Variants in PIK3R6 observed in about 807,000 individuals in gnomAD.
PIK3R6 encodes the protein phosphoinositide-3-kinase regulatory subunit 6.
Under a neutral mutation model 84.9 loss-of-function variants are expected in PIK3R6, and 91 were observed. That is an observed-to-expected ratio of 1.07 (90% CI 0.90 to 1.28). PIK3R6 has a LOEUF of 1.28. PIK3R6 is among the 50% of genes most tolerant of loss of function. The pLI is 0.00. For synonymous variants in PIK3R6, 416 were observed against 411.4 expected, an observed-to-expected ratio of 1.01 and a Z score of -0.13; for missense variants, 996 against 985.1, an observed-to-expected ratio of 1.01 and a Z score of -0.15.
At chr17:8,832,375 C>CTTTTTTTTTTT (rs759188865) in intron 9 of PIK3R6, among the ~76,000 whole-genome samples, 6 of 77,796 alleles carry the variant, frequency 7.7e-5, no homozygotes, top group African/African-American at 1.6e-4. Flanking sequence ...TACCCACCTT[C>CTTTTTTTTTTT]TTTTTTTTTT....
At position 8,867,528 on chromosome 17, in the gene PIK3R6, C is replaced by A. The variant is rs750305001; in HGVS notation, c.-92+1G>T. Reference sequence around the variant, plus strand: ...CGATCTCCATCCAAGCCAGCACTTACCTTGGTTCGGTGGCAGCTTCTGGGC... The same window carrying A: ...CGATCTCCATCCAAGCCAGCACTTAACTTGGTTCGGTGGCAGCTTCTGGGC... On this transcript the variant is annotated splice_donor_variant, in intron 1 of 19. Transcript: ENST00000619866. LOFTEE classifies it low-confidence loss of function (5UTR_SPLICE). The A allele has an allele frequency of 4.1e-6, 2 of 482,556 alleles. No homozygotes were observed. The highest frequency in any genetic ancestry group is 8.4e-6 in the Non-Finnish European group (2 of 238,902). 29.9% of individuals were successfully genotyped at this position (482,556 alleles called of 1,614,324 possible). A position where few individuals can be genotyped will look rare whatever the true frequency, so the allele number is the denominator to read the frequency against.
rs1474734694 is a variant in PIK3R6, at chr17:8,835,312, C to T, written c.606G>A (p.Gly202=). ...VVSHALQAAL[G]EACHAGALHR... ...GCAGAGCGCCTGCGTGACAGGCCTC[C>T]CCCAGAGCCGCCTGCAGGGCGTGGG... Residue 202 remains glycine (G), a synonymous_variant, in exon 8 of 20, where the codon GGG becomes GGA. Coordinates refer to ENST00000619866, the MANE Select transcript of PIK3R6 (RefSeq NM_001010855.4). The T allele has an allele frequency of 6.3e-7, 1 of 1,597,114 alleles. No homozygotes were observed. The highest frequency in any genetic ancestry group is 1.1e-5 in the South Asian group (1 of 89,572).
rs545252309 is a variant in PIK3R6 at position 8,853,556 on chromosome 17, G to A, written c.-91-3671C>T. Among the ~76,000 whole-genome samples, 13 of 149,774 alleles carry A rather than the reference G, an allele frequency of 8.7e-5. No individual in the cohort carries two copies. The South Asian group carries it at 2.1e-3, about 25-fold the overall frequency. On this transcript the variant is annotated intron_variant, in intron 1 of 19. Transcript: ENST00000619866. ...TATTTAGAGATAAATCTAACAAAAC[G>A]TGCAGGAGCCATATGATGAAAACTA...
At chr17:8,867,017 A>G (rs563209037) in intron 1 of PIK3R6, among the ~76,000 whole-genome samples, 2 of 152,216 alleles carry the variant, frequency 1.3e-5, no homozygotes, top group Middle Eastern at 3.2e-3. Flanking sequence ...TGTCCCAGAA[A>G]GGGCACAGAC....
Position 8,851,696 on chromosome 17 carries a change from C to T in PIK3R6, c.-91-1811G>A, listed in dbSNP as rs118011954. Among the ~76,000 whole-genome samples the T allele has an allele frequency of 1.2e-3, 187 of 152,238 alleles. 1 individual carries two copies. In the East Asian group the frequency reaches 0.027, roughly 22 times the overall value. On this transcript the variant is annotated intron_variant, in intron 1 of 19. Coordinates refer to ENST00000619866, the MANE Select transcript of PIK3R6 (RefSeq NM_001010855.4). The stretch of plus-strand genomic sequence containing the variant: ...ACATGGCATCGCCGCTGTGGAAAAT[C>T]GTATGGCATGTTCTTCAAAAAGTCA...
intron 1 of PIK3R6, among the ~76,000 whole-genome samples, chr17:8,858,452 A>AATTAC (rs759209105): frequency 4.0e-5 from 6 of 151,094 alleles, no homozygotes; most frequent in Non-Finnish European, 8.8e-5. Flanking sequence ...TGAGGCTAGG[A>AATTAC]ATTACAGGCA....
At chr17:8,854,794 A>C (rs2089080923) in intron 1 of PIK3R6, among the ~76,000 whole-genome samples, 1 of 152,262 alleles carries the variant, frequency 6.6e-6, no homozygotes, top group Non-Finnish European at 1.5e-5. Flanking sequence ...TGAAGGAAGA[A>C]GTTTTTAGAT....
At chr17:8,858,437 C>T (rs2089196556) in intron 1 of PIK3R6, among the ~76,000 whole-genome samples, 1 of 151,548 alleles carries the variant, frequency 6.6e-6, no homozygotes. Flanking sequence ...TTGCCTTAGC[C>T]TCCCTGAGGC....
At chr17:8,818,592 T>G (rs1192333117) in intron 18 of PIK3R6, among the ~76,000 whole-genome samples, 1 of 151,880 alleles carries the variant, frequency 6.6e-6, no homozygotes, top group Non-Finnish European at 1.5e-5. Context: ...GGGGTTGCAG[T>G]GAACTAAGAT....
chr17:8,835,836 G>C (rs1336302430), intron 7 of PIK3R6, among the ~76,000 whole-genome samples: 1 of 152,098 alleles, frequency 6.6e-6, no homozygotes, highest in African/African-American at 2.4e-5. Context: ...AACTCTGAGT[G>C]AATCTCACCT....
intron 18 of PIK3R6, 28 bp from the exon 19 acceptor site, chr17:8,804,181 T>C (rs1320793111): frequency 6.3e-7 from 1 of 1,585,478 alleles, no homozygotes; most frequent in Admixed American, 1.7e-5. Flanking sequence ...CACGTGTGAG[T>C]GTTGCCTTTG....
rs142574978 is a variant in PIK3R6 at position 8,838,219 on chromosome 17, A to T, written c.189+345T>A. On this transcript the variant is annotated intron_variant, in intron 4 of 19. Transcript: ENST00000619866. The stretch of plus-strand genomic sequence containing the variant: ...ACGGTTGCAAAGTACAACATTGGGT[A>T]GTGTGAAGGAGAATTTAGGTGGCCC... 610 of 440,828 alleles carry T rather than the reference A, an allele frequency of 1.4e-3. 2 individuals carry two copies. The highest frequency in any genetic ancestry group is 0.011 in the African/African-American group (541 of 50,160). 27.3% of individuals were successfully genotyped at this position (440,828 alleles called of 1,614,324 possible). A position where few individuals can be genotyped will look rare whatever the true frequency, so the allele number is the denominator to read the frequency against.
At chr17:8,811,441 C>A (rs1468232407) in intron 18 of PIK3R6, among the ~76,000 whole-genome samples, 1 of 148,520 alleles carries the variant, frequency 6.7e-6, no homozygotes, top group African/African-American at 2.5e-5. Context: ...TTTCTACAGC[C>A]AGCCTGAATT....
intron 13 of PIK3R6, among the ~76,000 whole-genome samples, chr17:8,824,781 G>C (rs2087864461): frequency 6.6e-6 from 1 of 152,142 alleles, no homozygotes; most frequent in Non-Finnish European, 1.5e-5. Context: ...TTAATACCCA[G>C]CTAAATGGTC....
rs1434834731 is a variant in PIK3R6 at position 8,831,921 on chromosome 17, TA to T, written c.802+967del. Among the ~76,000 whole-genome samples the T allele has an allele frequency of 5.9e-5, 9 of 152,326 alleles. No individual in the cohort carries two copies. In the East Asian group the frequency reaches 9.6e-4, roughly 16 times the overall value. On this transcript the variant is annotated intron_variant, in intron 9 of 19. Coordinates refer to ENST00000619866, the MANE Select transcript of PIK3R6 (RefSeq NM_001010855.4). ...CATCCACATGGGGCTTGTGTCAGGG[TA>T]GGCATTATCTTACCTACATTATGCC...
chr17:8,836,745 T>C (rs750603628), intron 6 of PIK3R6, 46 bp downstream of exon 6: 2 of 1,610,650 alleles, frequency 1.2e-6, no homozygotes, highest in South Asian at 2.2e-5. Context: ...CCCTGGGCAA[T>C]GTTGGAGGTG....
chr17:8,840,318 T>TACAAATATGTATATGAAATATATAC lies in PIK3R6; in HGVS notation c.14-622_14-621insGTATATATTTCATATACATATTTGT, dbSNP rs1567601732. ...TACAAATATGTATATGAAATATATA[T>TACAAATATGTATATGAAATATATAC]AGCCTCCAAATATGTATATGAAATA... On this transcript the variant is annotated intron_variant, in intron 2 of 19. Transcript: ENST00000619866. Among the ~76,000 whole-genome samples the TACAAATATGTATATGAAATATATAC allele has an allele frequency of 9.7e-4, 84 of 86,534 alleles. 6 individuals are homozygous for TACAAATATGTATATGAAATATATAC. Among genetic ancestry groups the TACAAATATGTATATGAAATATATAC allele is most frequent in the Admixed American group, 2.4e-3 (19 of 7,818 alleles). 56.8% of individuals were successfully genotyped at this position (86,534 alleles called of 152,430 possible). A position where few individuals can be genotyped will look rare whatever the true frequency, so the allele number is the denominator to read the frequency against.
rs765319550 is a variant in PIK3R6 at position 8,828,679 on chromosome 17, T to A, written c.1201A>T (p.Ser401Cys). Reference protein sequence around the residue: ...PGLHRRTGRPSGDGEMLPGVS... With the variant: ...PGLHRRTGRPCGDGEMLPGVS... ...CCGGGCAGCATTTCCCCATCCCCAC[T>A]GGGCCGGCCTGTCCTCCGGTGCAGC... The change falls in exon 11 of 20, where the codon AGT becomes TGT. Residue 401 changes from serine to cysteine, a missense_variant. Physicochemically the swap from Ser to Cys is moderately radical, Grantham distance 112. Transcript: ENST00000619866. The A allele has an allele frequency of 6.2e-7, 1 of 1,611,818 alleles. No homozygotes were observed. Among genetic ancestry groups the A allele is most frequent in the East Asian group, 2.2e-5 (1 of 44,826 alleles).
intron 7 of PIK3R6, 44 bp downstream of exon 7, chr17:8,836,503 A>G: frequency 1.2e-6 from 2 of 1,604,068 alleles, no homozygotes; most frequent in African/African-American, 1.3e-5. Flanking sequence ...AAGCCACAAC[A>G]GTTTTAGGAG....
Sources: allele counts gnomAD v4.1 joint callset (sites outside exome capture counted in the v4.1 genomes callset), GRCh38; gene constraint gnomAD v4.1.1; transcripts MANE v1.5; gene names NCBI Gene and HGNC (gene_info 2026-07-23, HGNC 2026-07-21).